Variants in UBE2Z observed in about 807,000 individuals in gnomAD.
The protein encoded by UBE2Z is ubiquitin-conjugating enzyme E2 Z.
In UBE2Z, 10 loss-of-function variants were observed where a neutral mutation model predicts 32.6. The observed-to-expected ratio is 0.31, with a 90% CI of 0.19 to 0.52. The LOEUF (loss-of-function observed/expected upper bound fraction) is 0.52, where lower values mean the gene tolerates loss of function less well. UBE2Z is among the 20% of genes least tolerant of loss of function. The pLI is 0.97. For missense variants in UBE2Z, 343 were observed against 480.9 expected, an observed-to-expected ratio of 0.71 and a Z score of 2.68; for synonymous variants, 183 against 190.8, an observed-to-expected ratio of 0.96 and a Z score of 0.34.
intron 3 of UBE2Z, among the ~76,000 whole-genome samples, chr17:48,913,544 G>A (rs560641751): frequency 1.3e-5 from 2 of 152,234 alleles, no homozygotes; most frequent in South Asian, 2.1e-4. Flanking sequence ...TAGTAGAGAC[G>A]GAGTTTCACC....
chr17:48,922,929 A>G lies in UBE2Z; in HGVS notation c.886A>G (p.Thr296Ala). ...CKDRLHLQGQ[T>A]MQDPFGEKRG... ...AGATCGCCTGCACCTTCAAGGCCAA[A>G]CTATGCAGGTAATACAACCCCTGCT... Residue 296 changes from threonine to alanine, a missense_variant, in exon 6 of 7, where the codon ACT (threonine) becomes GCT (alanine). Thr to Ala is a moderately conservative substitution (Grantham distance 58). Coordinates refer to ENST00000360943, the MANE Select transcript of UBE2Z (RefSeq NM_023079.5). The G allele has an allele frequency of 6.2e-7, 1 of 1,611,530 alleles. No homozygotes were observed. The highest frequency in any genetic ancestry group is 1.1e-5 in the South Asian group (1 of 90,614).
At chr17:48,910,693 C>T (rs2040670241) in intron 1 of UBE2Z, 115 bp from the exon 2 acceptor site, 2 of 802,050 alleles carry the variant, frequency 2.5e-6, no homozygotes, top group Non-Finnish European at 4.4e-6. Flanking sequence ...CGGTACCAAG[C>T]ACCACTTTCT....
chr17:48,917,217 A>C (rs991065256), intron 4 of UBE2Z, among the ~76,000 whole-genome samples: 1 of 152,154 alleles, frequency 6.6e-6, no homozygotes, highest in Non-Finnish European at 1.5e-5. Context: ...AGACAGGAGA[A>C]TGGCGTGAAC....
chr17:48,917,110 T>A (rs1243233567), intron 4 of UBE2Z, among the ~76,000 whole-genome samples: 1 of 152,010 alleles, frequency 6.6e-6, no homozygotes, highest in Non-Finnish European at 1.5e-5. Context: ...TTTGAGATCA[T>A]CCTGGCTAAC....
At chr17:48,924,845 C>CAAAAAAA (rs5820735) in intron 6 of UBE2Z, among the ~76,000 whole-genome samples, 2 of 85,752 alleles carry the variant, frequency 2.3e-5, no homozygotes, top group Non-Finnish European at 4.2e-5. Flanking sequence ...GATTCTGTCT[C>CAAAAAAA]AAAAAAAAAA....
At position 48,916,186 on chromosome 17, in the gene UBE2Z, A is replaced by G. The variant is rs1166609976; in HGVS notation, c.689A>G (p.Gln230Arg). 1 of 1,546,038 alleles carries G rather than the reference A, an allele frequency of 6.5e-7. No homozygotes were observed. The highest frequency in any genetic ancestry group is 8.7e-7 in the Non-Finnish European group (1 of 1,150,702). The change falls in exon 4 of 7, where the codon CAG becomes CGG. Residue 230 changes from glutamine (Q) to arginine (R), a missense_variant and splice_region_variant. Coordinates refer to ENST00000360943, the MANE Select transcript of UBE2Z (RefSeq NM_023079.5). ...NPYHNEPGFE[Q>R]ERHPGDSKNY... is the part of the protein sequence containing the mutation. ...TATCACAATGAGCCCGGCTTTGAACAGGTAAGGCCAGATGGGCCTGGCTCT... is the reference window on the plus strand; with the variant it reads ...TATCACAATGAGCCCGGCTTTGAACGGGTAAGGCCAGATGGGCCTGGCTCT...
At chr17:48,918,062 G>A (rs1190256479) in intron 4 of UBE2Z, among the ~76,000 whole-genome samples, 3 of 151,912 alleles carry the variant, frequency 2.0e-5, no homozygotes, top group South Asian at 2.1e-4. Flanking sequence ...TCAGCCTCCC[G>A]AGTAGCTGGG....
At chr17:48,912,753 TG>T in intron 2 of UBE2Z, 80 bp from the exon 3 acceptor site, 1 of 1,472,840 alleles carries the variant, frequency 6.8e-7, no homozygotes, top group Non-Finnish European at 9.4e-7. Flanking sequence ...GCTTCTGGTG[TG>T]GGTAGTAGGT....
chr17:48,927,144 C>T lies in UBE2Z; in HGVS notation c.*10C>T. On this transcript the variant is annotated 3_prime_UTR_variant, in exon 7 of 7. Transcript: ENST00000360943. Reference sequence around the variant, plus strand: ...GAGCCTGAGGGTTTAGACCCTGCTCCCATCTCCCCTTCCCCCACTCAAGAG... The same window carrying T: ...GAGCCTGAGGGTTTAGACCCTGCTCTCATCTCCCCTTCCCCCACTCAAGAG... 2 of 1,613,224 alleles carry T rather than the reference C, an allele frequency of 1.2e-6. No homozygotes were observed. Among genetic ancestry groups the T allele is most frequent in the Non-Finnish European group, 8.5e-7 (1 of 1,179,526 alleles).
At chr17:48,916,259 T>G (rs1411563175) in intron 4 of UBE2Z, 72 bp downstream of exon 4, 5 of 304,930 alleles carry the variant, frequency 1.6e-5, no homozygotes, top group African/African-American at 3.1e-5. Flanking sequence ...GGTTTTTTTG[T>G]TTTTTTTTTT....
Position 48,916,175 on chromosome 17 carries a change from C to G in UBE2Z, c.678C>G (p.Pro226=). ...LMTENPYHNE[P]GFEQERHPGD... is the part of the protein sequence containing the mutation. Reference sequence around the variant, plus strand: ...CTGAGAACCCCTATCACAATGAGCCCGGCTTTGAACAGGTAAGGCCAGATG... The same window carrying G: ...CTGAGAACCCCTATCACAATGAGCCGGGCTTTGAACAGGTAAGGCCAGATG... Residue 226 remains proline, a synonymous_variant, in exon 4 of 7, where the codon CCC becomes CCG. Transcript: ENST00000360943. 6.4e-7 allele frequency: 1 copy of G among 1,570,120 alleles called. No individual in the cohort carries two copies.
chr17:48,926,317 T>C (rs2040797848), intron 6 of UBE2Z, among the ~76,000 whole-genome samples: 1 of 152,216 alleles, frequency 6.6e-6, no homozygotes, highest in African/African-American at 2.4e-5. Flanking sequence ...ATTAAAAACA[T>C]AGGCATACTT....
Position 48,909,479 on chromosome 17 carries a change from A to G in UBE2Z, c.317+659A>G, listed in dbSNP as rs112460507. Among the ~76,000 whole-genome samples, 95 of 148,688 alleles carry G rather than the reference A, an allele frequency of 6.4e-4. 2 individuals are homozygous for G. Among genetic ancestry groups the G allele is most frequent in the Admixed American group, 1.7e-3 (26 of 14,942 alleles). On this transcript the variant is annotated intron_variant, in intron 1 of 6. Transcript: ENST00000360943. The stretch of plus-strand genomic sequence containing the variant: ...CAGAAACACAGGCTACCTCCCCCCA[A>G]TTCCCCAGTGCCACTCTGGATTGTA...
At chr17:48,924,279 A>G (rs1225490027) in intron 6 of UBE2Z, among the ~76,000 whole-genome samples, 1 of 152,118 alleles carries the variant, frequency 6.6e-6, no homozygotes, top group Admixed American at 6.5e-5. Flanking sequence ...CCCAGCCCAT[A>G]GTGTTTTGAA....
At chr17:48,924,691 C>T (rs2040785246) in intron 6 of UBE2Z, among the ~76,000 whole-genome samples, 1 of 151,436 alleles carries the variant, frequency 6.6e-6, no homozygotes, top group Non-Finnish European at 1.5e-5. Context: ...ACTAAAAATA[C>T]AAAAATTAGC....
intron 1 of UBE2Z, among the ~76,000 whole-genome samples, chr17:48,910,079 C>T (rs889193097): frequency 9.2e-5 from 14 of 152,146 alleles, no homozygotes; most frequent in African/African-American, 3.4e-4. Context: ...TCCCTACCCA[C>T]CCTAGCAAGT....
chr17:48,914,661 A>T (rs1256793046), intron 3 of UBE2Z, among the ~76,000 whole-genome samples: 3 of 152,230 alleles, frequency 2.0e-5, no homozygotes, highest in Admixed American at 6.5e-5. Flanking sequence ...GGGTAAAAGT[A>T]GTAGAAGTGT....
intron 5 of UBE2Z, 150 bp downstream of exon 5, chr17:48,921,422 ACC>A (rs1489463611): frequency 3.1e-6 from 2 of 652,122 alleles, no homozygotes. Flanking sequence ...GCTGAGGGTT[ACC>A]CAAGAGGAAG....
intron 6 of UBE2Z, 80 bp downstream of exon 6, chr17:48,923,017 C>G: frequency 7.6e-7 from 1 of 1,320,382 alleles, no homozygotes; most frequent in Non-Finnish European, 1.1e-6. Context: ...GCATCGACAG[C>G]TGTCATAGAA....
Sources: allele counts gnomAD v4.1 joint callset (sites outside exome capture counted in the v4.1 genomes callset), GRCh38; gene constraint gnomAD v4.1.1; transcripts MANE v1.5; gene names NCBI Gene and HGNC (gene_info 2026-07-23, HGNC 2026-07-21).